The following BRI3 variants were observed in gnomAD, a reference collection of about 807,000 sequenced individuals.
BRI3 encodes the protein brain protein I3.
A neutral mutation model predicts 12.8 loss-of-function variants in BRI3; 6 were observed. The ratio of observed to expected loss-of-function variants is 0.47; its 90% CI spans 0.26 to 0.93. The LOEUF is 0.93. BRI3 is among the 40% of genes least tolerant of loss of function. BRI3 has a pLI of 0.15. For synonymous variants in BRI3, 91 were observed against 76.1 expected, an observed-to-expected ratio of 1.20 and a Z score of -1.02; for missense variants, 134 against 171.1, an observed-to-expected ratio of 0.78 and a Z score of 1.21.
chr7:98,283,485 A>C (rs765507813), intron 2 of BRI3, among the ~76,000 whole-genome samples: 54 of 151,404 alleles, frequency 3.6e-4, no homozygotes, highest in Non-Finnish European at 7.5e-4. Flanking sequence ...CGTCAGTTTG[A>C]CACAGTTGGT....
downstream of BRI3, among the ~76,000 whole-genome samples, chr7:98,296,550 G>A (rs770045846): frequency 2.0e-5 from 3 of 152,206 alleles, no homozygotes; most frequent in Non-Finnish European, 2.9e-5. Flanking sequence ...GCTTGAACAG[G>A]GAGGCAGAGG....
intron 1 of BRI3, among the ~76,000 whole-genome samples, chr7:98,299,812 G>A (rs1346877886): frequency 6.6e-6 from 1 of 152,224 alleles, no homozygotes; most frequent in East Asian, 1.9e-4. Context: ...AGGCTGAGGC[G>A]GGAGGATCAC....
chr7:98,317,730 G>A, the BRI3 span, among the ~76,000 whole-genome samples: 2 of 147,282 alleles, frequency 1.4e-5, no homozygotes. Context: ...CACACCATCT[G>A]CATGTTGGCT....
At chr7:98,293,159 C>A, downstream of BRI3, 1 of 306,148 alleles carries the variant, frequency 3.3e-6, no homozygotes, top group Non-Finnish European at 5.4e-6. Flanking sequence ...TCATTCATAT[C>A]AGGTGCAGAA....
the BRI3 span, among the ~76,000 whole-genome samples, chr7:98,318,135 C>G: frequency 6.6e-6 from 1 of 152,228 alleles, no homozygotes; most frequent in Non-Finnish European, 1.5e-5. Context: ...CACATTGCCC[C>G]CTTCATGCAA....
At chr7:98,305,111 G>T (rs1398503567), upstream of BRI3, among the ~76,000 whole-genome samples, 2 of 120,834 alleles carry the variant, frequency 1.7e-5, no homozygotes, top group African/African-American at 6.5e-5. Flanking sequence ...GGCTAGTCTT[G>T]AACTCTTGAT....
downstream of BRI3, chr7:98,292,559 C>T (rs190551647): frequency 1.6e-5 from 22 of 1,361,658 alleles, no homozygotes; most frequent in Middle Eastern, 1.8e-4. Context: ...GCAGCCAGTG[C>T]GTAGTCCTCA....
At chr7:98,315,577 G>T in the BRI3 span, 42 of 1,476,020 alleles carry the variant, frequency 2.8e-5, no homozygotes, top group East Asian at 6.8e-4. Context: ...TGAATTTCTG[G>T]ATTTCACTCT....
the BRI3 span, among the ~76,000 whole-genome samples, chr7:98,318,599 C>A: frequency 6.6e-6 from 1 of 151,754 alleles, no homozygotes; most frequent in Non-Finnish European, 1.5e-5. Flanking sequence ...CTTAAACGGA[C>A]CCGCGTCAGA....
At chr7:98,301,858 G>A (rs1800444779), upstream of BRI3, among the ~76,000 whole-genome samples, 1 of 152,164 alleles carries the variant, frequency 6.6e-6, no homozygotes, top group Non-Finnish European at 1.5e-5. Context: ...TGGGAAGGGT[G>A]GTGGTGGTGT....
the BRI3 span, among the ~76,000 whole-genome samples, chr7:98,319,528 T>C: frequency 6.0e-5 from 9 of 150,488 alleles, no homozygotes; most frequent in South Asian, 1.9e-3. Flanking sequence ...TGTGATTTCC[T>C]GCAATACTTT....
the BRI3 span, among the ~76,000 whole-genome samples, chr7:98,318,720 G>A: frequency 2.0e-5 from 3 of 151,174 alleles, no homozygotes; most frequent in African/African-American, 7.3e-5. Flanking sequence ...CGAGGCAGGT[G>A]CACCACGAGG....
downstream of BRI3, among the ~76,000 whole-genome samples, chr7:98,297,770 AG>A (rs1308556097): frequency 6.6e-6 from 1 of 152,214 alleles, no homozygotes; most frequent in African/African-American, 2.4e-5. Context: ...AGATGCGTGC[AG>A]GCCTGCACCG....
At chr7:98,319,941 T>G in the BRI3 span, 1 of 836,980 alleles carries the variant, frequency 1.2e-6, no homozygotes, top group Non-Finnish European at 1.9e-6. Context: ...CTGGGCATCA[T>G]CAACACGGAG....
At chr7:98,293,035 T>C, downstream of BRI3, 1 of 943,320 alleles carries the variant, frequency 1.1e-6, no homozygotes, top group Non-Finnish European at 1.3e-6. Context: ...TATAGTATTT[T>C]CATAATTTAT....
chr7:98,285,848 T>G (rs1799694362), intron 2 of BRI3, among the ~76,000 whole-genome samples: 1 of 152,140 alleles, frequency 6.6e-6, no homozygotes, highest in African/African-American at 2.4e-5. Flanking sequence ...CTGGAGCTGC[T>G]TTGGGGCCAC....
chr7:98,285,952 G>A lies in BRI3; in HGVS notation c.245+3499G>A, dbSNP rs148389879. On this transcript the variant is annotated intron_variant, in intron 2 of 2. Transcript: ENST00000297290. ...TGGCGAGGCCTGGCCTTCCAGCGGG[G>A]TGGTGGTCTGGGGTTGTTCCTGGGC... Among the ~76,000 whole-genome samples the A allele has an allele frequency of 6.6e-4, 101 of 152,362 alleles. 1 individual carries two copies. In the East Asian group the frequency reaches 0.019, roughly 28 times the overall value.
chr7:98,311,421 G>A (rs753486893), downstream of BRI3, among the ~76,000 whole-genome samples: 26 of 151,960 alleles, frequency 1.7e-4, no homozygotes, highest in Non-Finnish European at 1.8e-4. Flanking sequence ...GCGGGCGCCT[G>A]TAGTCCCAGC....
chr7:98,287,741 G>A (rs544213150), intron 2 of BRI3, among the ~76,000 whole-genome samples: 1 of 152,220 alleles, frequency 6.6e-6, no homozygotes, highest in South Asian at 2.1e-4. Flanking sequence ...TCCCAGGCGC[G>A]AGCAGCAGCT....
Sources: allele counts gnomAD v4.1 joint callset (sites outside exome capture counted in the v4.1 genomes callset), GRCh38; gene constraint gnomAD v4.1.1; transcripts MANE v1.5; gene names NCBI Gene and HGNC (gene_info 2026-07-23, HGNC 2026-07-21).